PARD3: variants seen among roughly 807,000 people sequenced by gnomAD.
PARD3 encodes partitioning defective 3 homolog.
A neutral mutation model predicts 155.4 loss-of-function variants in PARD3; 75 were observed. The observed-to-expected ratio is 0.48, with a 90% CI of 0.40 to 0.58. The LOEUF is 0.58. PARD3 is among the 20% of genes least tolerant of loss of function. PARD3 has a pLI of 0.00. For synonymous variants in PARD3, 576 were observed against 610.5 expected, an observed-to-expected ratio of 0.94 and a Z score of 0.83; for missense variants, 1,642 against 1,721.7, an observed-to-expected ratio of 0.95 and a Z score of 0.82.
intron 5 of PARD3, among the ~76,000 whole-genome samples, chr10:34,448,135 G>A (rs542976582): frequency 1.7e-4 from 4 of 24,006 alleles, no homozygotes; most frequent in Admixed American, 3.1e-4. Context: ...TATACACTGC[G>A]TGTGTGTGTG....
intron 2 of PARD3, among the ~76,000 whole-genome samples, chr10:34,681,743 TATATATATATATATATATATATATA>T (rs1249694575): frequency 7.2e-4 from 11 of 15,276 alleles, no homozygotes; most frequent in African/African-American, 2.5e-3. Context: ...TATATATATA[TATATATATATATATATATATATATA>T]TTTTTTTTTT....
chr10:34,505,454 A>C (rs1282873003), intron 3 of PARD3, among the ~76,000 whole-genome samples: 1 of 152,198 alleles, frequency 6.6e-6, no homozygotes, highest in Non-Finnish European at 1.5e-5. Flanking sequence ...TCAGGTTTTG[A>C]ATGATACAGA....
At chr10:34,790,739 GT>G (rs1192982054) in intron 1 of PARD3, among the ~76,000 whole-genome samples, 2 of 152,176 alleles carry the variant, frequency 1.3e-5, no homozygotes, top group Non-Finnish European at 2.9e-5. Flanking sequence ...TGTAAGTAGG[GT>G]TTTTTCCTTA....
At chr10:34,336,641 C>A (rs1376158013) in intron 17 of PARD3, among the ~76,000 whole-genome samples, 1 of 150,770 alleles carries the variant, frequency 6.6e-6, no homozygotes, top group Non-Finnish European at 1.5e-5. Context: ...AATTATTTTA[C>A]TTTTTTTTTG....
intron 22 of PARD3, among the ~76,000 whole-genome samples, chr10:34,183,635 C>T (rs1950361174): frequency 6.6e-6 from 1 of 152,154 alleles, no homozygotes; most frequent in Admixed American, 6.5e-5. Flanking sequence ...TCTGCATTTG[C>T]ATATTAAAAG....
chr10:34,137,984 T>C (rs1571428), intron 22 of PARD3, among the ~76,000 whole-genome samples: 37,028 of 152,140 alleles, frequency 0.24, 5,193 homozygotes, highest in Non-Finnish European at 0.3. Flanking sequence ...GGGCTGTACA[T>C]TCTTGTTAAA....
rs34255415 is a variant in PARD3, at chr10:34,152,206, T to TA, written c.3420-20624dup. ...AATTTCCCTGTAGCTAGCAGAGACT[T>TA]AAAAAAAAATTCCATCAACCTTAGA... On this transcript the variant is annotated intron_variant, in intron 22 of 24. Coordinates refer to ENST00000374788, the MANE Select transcript of PARD3 (RefSeq NM_001184785.2). Among the ~76,000 whole-genome samples the TA allele has an allele frequency of 7.9e-3, 1,193 of 151,786 alleles. 5 individuals are homozygous for TA. The highest frequency in any genetic ancestry group is 0.013 in the Admixed American group (205 of 15,222).
At chr10:34,786,206 T>C (rs1363684704) in intron 1 of PARD3, among the ~76,000 whole-genome samples, 1 of 152,238 alleles carries the variant, frequency 6.6e-6, no homozygotes, top group Non-Finnish European at 1.5e-5. Flanking sequence ...CATGAGGCTC[T>C]GTGGAAGCTC....
intron 1 of PARD3, among the ~76,000 whole-genome samples, chr10:34,727,962 T>C (rs2094748695): frequency 6.6e-6 from 1 of 151,852 alleles, no homozygotes. Context: ...GGCACAGGCC[T>C]TTTCAGCACC....
At chr10:34,587,090 T>C (rs962418220) in intron 2 of PARD3, among the ~76,000 whole-genome samples, 2 of 152,178 alleles carry the variant, frequency 1.3e-5, no homozygotes, top group Non-Finnish European at 2.9e-5. Flanking sequence ...AATGAAAATA[T>C]AAGCCACTGA....
intron 22 of PARD3, among the ~76,000 whole-genome samples, chr10:34,239,789 T>G (rs1953464358): frequency 7.1e-6 from 1 of 140,840 alleles, no homozygotes; most frequent in Admixed American, 7.3e-5. Flanking sequence ...GGCAATGGAG[T>G]GACACTCCAT....
chr10:34,405,697 G>A (rs1432705911), intron 5 of PARD3, among the ~76,000 whole-genome samples: 2 of 152,158 alleles, frequency 1.3e-5, no homozygotes, highest in Non-Finnish European at 2.9e-5. Flanking sequence ...GCAGAAGGCA[G>A]AAGATTCCTG....
chr10:34,811,526 T>C (rs1182405922), intron 1 of PARD3, among the ~76,000 whole-genome samples: 1 of 152,046 alleles, frequency 6.6e-6, no homozygotes, highest in African/African-American at 2.4e-5. Context: ...GTTCAAATCC[T>C]AGTGACTAAA....
chr10:34,681,800 T>A (rs868491090), intron 2 of PARD3, among the ~76,000 whole-genome samples: 74 of 85,882 alleles, frequency 8.6e-4, no homozygotes, highest in East Asian at 2.8e-3. Context: ...TTTTTTTTTT[T>A]AAGTAAGACA....
At chr10:34,165,000 C>G (rs1388591169) in intron 22 of PARD3, among the ~76,000 whole-genome samples, 1 of 152,164 alleles carries the variant, frequency 6.6e-6, no homozygotes, top group African/African-American at 2.4e-5. Flanking sequence ...TTGATTGATA[C>G]TAGACTCTCC....
intron 22 of PARD3, among the ~76,000 whole-genome samples, chr10:34,255,115 T>G (rs1954586823): frequency 6.6e-6 from 1 of 152,146 alleles, no homozygotes; most frequent in African/African-American, 2.4e-5. Flanking sequence ...AACCAAATTC[T>G]AATAATTTAC....
intron 1 of PARD3, among the ~76,000 whole-genome samples, chr10:34,719,693 C>T (rs1398592873): frequency 8.5e-5 from 13 of 152,210 alleles, no homozygotes; most frequent in Admixed American, 8.5e-4. Context: ...TTCTCCCCTC[C>T]AAAAGGACAT....
At chr10:34,405,070 A>C in intron 5 of PARD3, among the ~76,000 whole-genome samples, 1 of 68,432 alleles carries the variant, frequency 1.5e-5, no homozygotes, top group African/African-American at 1.3e-4. Context: ...AGACCCCATC[A>C]CAAACACAAA....
chr10:34,161,119 C>T (rs1476848820), intron 22 of PARD3, among the ~76,000 whole-genome samples: 1 of 151,700 alleles, frequency 6.6e-6, no homozygotes, highest in South Asian at 2.1e-4. Flanking sequence ...GTGGTGCACA[C>T]CTGTAGTTCC....
Sources: allele counts gnomAD v4.1 joint callset (sites outside exome capture counted in the v4.1 genomes callset), GRCh38; gene constraint gnomAD v4.1.1; transcripts MANE v1.5; gene names NCBI Gene and HGNC (gene_info 2026-07-23, HGNC 2026-07-21).